The following TXNRD2 variants were observed in gnomAD, a reference collection of about 807,000 sequenced individuals.
The protein encoded by TXNRD2 is thioredoxin reductase 2, mitochondrial.
A neutral mutation model predicts 70.8 loss-of-function variants in TXNRD2; 67 were observed. That is an observed-to-expected ratio of 0.95 (90% confidence interval 0.78 to 1.16). The LOEUF (loss-of-function observed/expected upper bound fraction) is 1.16. Ranked by LOEUF, TXNRD2 falls within the 50% of genes most tolerant of loss-of-function variation. The pLI, the probability that TXNRD2 is intolerant of heterozygous loss-of-function variation, is 0.00. For synonymous variants in TXNRD2, 301 were observed against 295.8 expected, an observed-to-expected ratio of 1.02 and a Z score of -0.18; for missense variants, 644 against 719.9, an observed-to-expected ratio of 0.89 and a Z score of 1.21.
intron 2 of TXNRD2, among the ~76,000 whole-genome samples, chr22:19,924,049 G>A (rs1941024844): frequency 6.6e-6 from 1 of 151,144 alleles, no homozygotes; most frequent in African/African-American, 2.4e-5. Flanking sequence ...CCCAGGCACT[G>A]GTGTGCAGCG....
chr22:19,891,744 T>C (rs1461218818), intron 11 of TXNRD2: 1 of 152,152 alleles, frequency 6.6e-6, no homozygotes, highest in Non-Finnish European at 1.5e-5. Flanking sequence ...AAGTTCCCAG[T>C]CTATTATCTG....
chr22:19,898,923 G>A (rs577176547), intron 9 of TXNRD2, 126 bp downstream of exon 9: 70 of 1,225,890 alleles, frequency 5.7e-5, no homozygotes, highest in African/African-American at 4.6e-4. Context: ...CCTCCACGCC[G>A]AGAGGCCCAG....
intron 1 of TXNRD2, among the ~76,000 whole-genome samples, chr22:19,940,244 CAAAAAAAAA>C (rs141013808): frequency 5.8e-5 from 4 of 68,494 alleles, no homozygotes; most frequent in African/African-American, 1.2e-4. Context: ...GACACTGTCT[CAAAAAAAAA>C]AAAAAAAAAA....
At chr22:19,899,550 G>T (rs1939678362) in intron 8 of TXNRD2, among the ~76,000 whole-genome samples, 1 of 152,232 alleles carries the variant, frequency 6.6e-6, no homozygotes, top group African/African-American at 2.4e-5. Flanking sequence ...CTAGGCGCAG[G>T]GCCAGGAGGG....
At position 19,919,492 on chromosome 22, in the gene TXNRD2, A is replaced by G; in HGVS notation, c.229+51T>C. The G allele has an allele frequency of 1.3e-6, 2 of 1,531,586 alleles. 1 individual carries two copies. Among genetic ancestry groups the G allele is most frequent in the Middle Eastern group, 3.4e-4 (2 of 5,944 alleles). The allele number at this position is 1,531,586 out of a possible 1,614,324, so 94.9% of individuals were successfully genotyped here. A position where few individuals can be genotyped will look rare whatever the true frequency, so the allele number is the denominator to read the frequency against. On this transcript the variant is annotated intron_variant, in intron 3 of 17. Transcript: ENST00000400521. ...TGCCCTCTGTACAGGAACTGGGCCC[A>G]CCTCCCACCTCCTTCCCCAGGACAC...
At chr22:19,907,296 C>A (rs1940089447) in intron 8 of TXNRD2, among the ~76,000 whole-genome samples, 1 of 37,672 alleles carries the variant, frequency 2.7e-5, no homozygotes, top group Non-Finnish European at 5.2e-5. Context: ...GGTGTGGGCG[C>A]CGTGGATAGC....
intron 7 of TXNRD2, among the ~76,000 whole-genome samples, chr22:19,912,477 C>T (rs1363195544): frequency 6.6e-6 from 1 of 152,158 alleles, no homozygotes; most frequent in Non-Finnish European, 1.5e-5. Context: ...AGAGCAGGGC[C>T]GGGCCAGGCC....
At chr22:19,915,118 C>T (rs1940575197) in intron 7 of TXNRD2, 96 bp downstream of exon 7, 1 of 1,132,248 alleles carries the variant, frequency 8.8e-7, no homozygotes, top group Non-Finnish European at 1.3e-6. Flanking sequence ...GGTGTGCAAG[C>T]TGCTGCTGTG....
At chr22:19,923,115 C>T (rs1174782405) in intron 2 of TXNRD2, among the ~76,000 whole-genome samples, 2 of 152,272 alleles carry the variant, frequency 1.3e-5, no homozygotes, top group Non-Finnish European at 1.5e-5. Flanking sequence ...TCCCAAGTGG[C>T]CATTTAATTT....
At position 19,929,001 on chromosome 22, in the gene TXNRD2, C is replaced by T. The variant is rs757813071; in HGVS notation, c.172+2029G>A. ...AGCCTGGGTGACAAAGCAAGACTCG[C>T]TTGCAAAAAAAAAAAAGAGGTAGTT... On this transcript the variant is annotated intron_variant, in intron 2 of 17. Coordinates refer to ENST00000400521, the MANE Select transcript of TXNRD2 (RefSeq NM_006440.5). Among the ~76,000 whole-genome samples, 5 of 65,432 alleles carry T rather than the reference C, an allele frequency of 7.6e-5. No individual in the cohort carries two copies. The South Asian group carries it at 2.7e-3, about 35-fold the overall frequency. 42.9% of individuals were successfully genotyped at this position (65,432 alleles called of 152,430 possible).
At chr22:19,905,078 C>T (rs1246910896) in intron 8 of TXNRD2, among the ~76,000 whole-genome samples, 1 of 152,104 alleles carries the variant, frequency 6.6e-6, no homozygotes, top group Non-Finnish European at 1.5e-5. Context: ...TTGACTGCAG[C>T]AGAGGAATGT....
At chr22:19,880,525 G>T in intron 13 of TXNRD2, 97 bp downstream of exon 13, 2 of 1,141,190 alleles carry the variant, frequency 1.8e-6, no homozygotes, top group Non-Finnish European at 2.6e-6. Flanking sequence ...ACATCTACAT[G>T]CAGACACACA....
intron 11 of TXNRD2, among the ~76,000 whole-genome samples, chr22:19,888,478 C>A (rs1411860423): frequency 6.6e-6 from 1 of 152,222 alleles, no homozygotes; most frequent in Non-Finnish European, 1.5e-5. Flanking sequence ...ACAGGCATGC[C>A]CTCTGATTTC....
intron 1 of TXNRD2, among the ~76,000 whole-genome samples, chr22:19,933,806 A>C (rs927425259): frequency 1.3e-5 from 2 of 152,072 alleles, no homozygotes; most frequent in Non-Finnish European, 2.9e-5. Flanking sequence ...CCACCTGTGC[A>C]CTCCAGTGTC....
At chr22:19,911,157 G>A (rs1334460515) in intron 8 of TXNRD2, 19 of 653,448 alleles carry the variant, frequency 2.9e-5, no homozygotes, top group South Asian at 1.1e-4. Flanking sequence ...TGCTGATCTC[G>A]AACTCCTGGC....
intron 2 of TXNRD2, among the ~76,000 whole-genome samples, chr22:19,925,102 G>A (rs1941078777): frequency 6.6e-6 from 1 of 150,654 alleles, no homozygotes; most frequent in Non-Finnish European, 1.5e-5. Flanking sequence ...GGCTAACACG[G>A]CGAAGCCCCG....
intron 2 of TXNRD2, among the ~76,000 whole-genome samples, chr22:19,921,094 G>GAGATTGTGCCACTGTACTCC (rs1569104872): frequency 2.3e-5 from 3 of 128,086 alleles, no homozygotes; most frequent in African/African-American, 1.1e-4. Context: ...GTGACAGAGC[G>GAGATTGTGCCACTGTACTCC]AGACTCTGTC....
intron 2 of TXNRD2, among the ~76,000 whole-genome samples, chr22:19,920,065 C>A (rs1434905121): frequency 6.6e-6 from 1 of 152,200 alleles, no homozygotes; most frequent in African/African-American, 2.4e-5. Flanking sequence ...CCCTTCCCAT[C>A]CCAGCCAGAG....
intron 11 of TXNRD2, chr22:19,884,367 T>C (rs1176913589): frequency 1.3e-5 from 2 of 152,264 alleles, no homozygotes; most frequent in Admixed American, 6.5e-5. Context: ...CACTTGCCAA[T>C]GCTGGGGCTC....
Sources: allele counts gnomAD v4.1 joint callset (sites outside exome capture counted in the v4.1 genomes callset), GRCh38; gene constraint gnomAD v4.1.1; transcripts MANE v1.5; gene names NCBI Gene and HGNC (gene_info 2026-07-23, HGNC 2026-07-21).